The following PDHX variants were observed in gnomAD, a reference collection of about 807,000 sequenced individuals.
PDHX encodes the protein pyruvate dehydrogenase protein X component, mitochondrial.
PDHX carries 33 observed loss-of-function variants against 55.3 expected under a neutral mutation model. The ratio of observed to expected loss-of-function variants is 0.60; its 90% CI spans 0.45 to 0.80. The LOEUF (loss-of-function observed/expected upper bound fraction) is 0.80, where lower values mean the gene tolerates loss of function less well. PDHX is among the 30% of genes least tolerant of loss of function. The pLI is 0.00. For synonymous variants in PDHX, 226 were observed against 219.4 expected (o/e 1.03, Z -0.27); for missense variants, 622 against 619.9 (o/e 1.00, Z -0.04).
chr11:34,986,336 C>T (rs981119064), intron 9 of PDHX, among the ~76,000 whole-genome samples: 2 of 148,658 alleles, frequency 1.3e-5, no homozygotes, highest in Admixed American at 6.7e-5. Flanking sequence ...AGAAAGGTAG[C>T]GTTTATTTGG....
chr11:34,949,579 C>A (rs1022316193), intron 3 of PDHX, among the ~76,000 whole-genome samples: 1 of 151,760 alleles, frequency 6.6e-6, no homozygotes, highest in Non-Finnish European at 1.5e-5. Context: ...AGTTATTATA[C>A]ATTTAAAGAT....
At chr11:34,953,270 G>A (rs1565158351) in intron 3 of PDHX, among the ~76,000 whole-genome samples, 1 of 152,110 alleles carries the variant, frequency 6.6e-6, no homozygotes, top group African/African-American at 2.4e-5. Flanking sequence ...TACTGCCCAA[G>A]GTAATTTATA....
At chr11:34,994,836 A>G (rs1188590873) in intron 10 of PDHX, 78 bp from the exon 11 acceptor site, 2 of 1,535,796 alleles carry the variant, frequency 1.3e-6, no homozygotes, top group Non-Finnish European at 1.8e-6. Flanking sequence ...CTAGTAAAAT[A>G]TATAAAATAT....
At chr11:34,961,802 TC>T (rs11296610) in intron 5 of PDHX, among the ~76,000 whole-genome samples, 7,170 of 152,270 alleles carry the variant, frequency 0.047, 534 homozygotes, top group African/African-American at 0.16. Context: ...GAGTTGGAAA[TC>T]AGCTGTCCTG....
rs1019906079 is a variant in PDHX at position 34,950,965 on chromosome 11, T to C, written c.342+3359T>C. Reference sequence around the variant, plus strand: ...GGAATCGCCACACTGACTTCCACAATGGTTGAACTAGTTTACAGTCCCACC... The same window carrying C: ...GGAATCGCCACACTGACTTCCACAACGGTTGAACTAGTTTACAGTCCCACC... On this transcript the variant is annotated intron_variant, in intron 3 of 10. Transcript: ENST00000227868. Among the ~76,000 whole-genome samples the C allele has an allele frequency of 4.5e-4, 67 of 150,532 alleles. 1 individual carries two copies. The highest frequency in any genetic ancestry group is 1.5e-3 in the African/African-American group (62 of 41,026).
intron 8 of PDHX, among the ~76,000 whole-genome samples, chr11:34,981,103 C>G (rs1263066889): frequency 6.6e-6 from 1 of 151,958 alleles, no homozygotes; most frequent in Non-Finnish European, 1.5e-5. Flanking sequence ...CACCCAGTAA[C>G]AAGTCATTTA....
Position 34,957,369 on chromosome 11 carries a change from C to T in PDHX, c.343-15C>T, listed in dbSNP as rs1854927161. On this transcript the variant is annotated splice_polypyrimidine_tract_variant and intron_variant, in intron 3 of 10. Transcript: ENST00000227868. ...GGGTTTTACTTCTCTACAGTTACTT[C>T]TTTTTTAAATATAGGTTGAAGAAGG... 6.5e-7 allele frequency: 1 copy of T among 1,543,438 alleles called. No individual in the cohort carries two copies. Among genetic ancestry groups the T allele is most frequent in the Non-Finnish European group, 9.0e-7 (1 of 1,115,896 alleles).
intron 1 of PDHX, among the ~76,000 whole-genome samples, chr11:34,924,481 A>G (rs956894245): frequency 4.6e-5 from 7 of 152,154 alleles, no homozygotes; most frequent in Non-Finnish European, 8.8e-5. Context: ...TCAGCCTCCC[A>G]AAGTGCTGGG....
chr11:34,951,174 A>T (rs1854758684), intron 3 of PDHX, among the ~76,000 whole-genome samples: 1 of 147,420 alleles, frequency 6.8e-6, no homozygotes, highest in Non-Finnish European at 1.5e-5. Flanking sequence ...CTCCTGCCTC[A>T]GCCTCCCGAG....
intron 9 of PDHX, among the ~76,000 whole-genome samples, chr11:34,986,322 A>AAAAAAAAAAAG (rs1564932992): frequency 6.8e-6 from 1 of 147,428 alleles, no homozygotes. Flanking sequence ...AAAAAAAAAA[A>AAAAAAAAAAAG]AAAAGAAAGG....
intron 3 of PDHX, among the ~76,000 whole-genome samples, chr11:34,951,049 C>CTTTTTTTTTTTT (rs1179399887): frequency 3.4e-5 from 3 of 88,598 alleles, no homozygotes; most frequent in Admixed American, 1.4e-4. Context: ...TGTTTCCTGA[C>CTTTTTTTTTTTT]TTTTTTTTTT....
At chr11:34,966,594 A>G (rs1391798447) in intron 5 of PDHX, 46 bp from the exon 6 acceptor site, 2 of 1,575,124 alleles carry the variant, frequency 1.3e-6, no homozygotes, top group Non-Finnish European at 1.7e-6. Flanking sequence ...GTTCTGTTAT[A>G]TTCCTTATTG....
chr11:34,960,987 C>T (rs1365829107), intron 5 of PDHX, among the ~76,000 whole-genome samples: 1 of 152,138 alleles, frequency 6.6e-6, no homozygotes, highest in African/African-American at 2.4e-5. Context: ...ATCCATCTGT[C>T]CATGAGTTAG....
chr11:34,959,371 C>A (rs922171073), intron 4 of PDHX, among the ~76,000 whole-genome samples: 1 of 149,810 alleles, frequency 6.7e-6, no homozygotes, highest in African/African-American at 2.4e-5. Flanking sequence ...CAATGAGACA[C>A]CCCTTCATAC....
In PDHX at chr11:34,995,011, C is replaced by CTGAA; in HGVS notation, c.1346_1349dup (p.Lys450AsnfsTer5). 6.2e-7 allele frequency: 1 copy of CTGAA among 1,614,060 alleles called. No homozygotes were observed. Among genetic ancestry groups the CTGAA allele is most frequent in the Non-Finnish European group, 8.5e-7 (1 of 1,179,950 alleles). The stretch of plus-strand genomic sequence containing the variant: ...GGCGGTTGGGAGGTTCCGACCTGTG[C>CTGAA]TGAAGCTCACTGAGGATGAAGAGGG... On this transcript the variant is annotated frameshift_variant, in exon 11 of 11. Transcript: ENST00000227868. LOFTEE classifies it high-confidence loss of function.
chr11:34,944,306 G>A (rs925387323), intron 2 of PDHX, among the ~76,000 whole-genome samples: 17 of 151,810 alleles, frequency 1.1e-4, no homozygotes, highest in African/African-American at 4.1e-4. Context: ...TTTTAGTAGG[G>A]ACGGGGTTTC....
chr11:34,929,069 T>C (rs1854092180), intron 1 of PDHX, among the ~76,000 whole-genome samples: 1 of 152,216 alleles, frequency 6.6e-6, no homozygotes, highest in Admixed American at 6.5e-5. Flanking sequence ...GGACTGGAGT[T>C]GGATGGCTTT....
chr11:34,959,780 C>T (rs933566130), intron 4 of PDHX, among the ~76,000 whole-genome samples: 6 of 151,958 alleles, frequency 3.9e-5, no homozygotes, highest in African/African-American at 1.5e-4. Context: ...GAATATTATG[C>T]TCAGTAAAAT....
intron 2 of PDHX, among the ~76,000 whole-genome samples, chr11:34,931,823 TG>T (rs1854181820): frequency 9.8e-6 from 1 of 101,622 alleles, no homozygotes; most frequent in African/African-American, 6.6e-5. Flanking sequence ...TGTGTGTGTG[TG>T]TGTGTGTGTG....
Sources: allele counts gnomAD v4.1 joint callset (sites outside exome capture counted in the v4.1 genomes callset), GRCh38; gene constraint gnomAD v4.1.1; transcripts MANE v1.5; gene names NCBI Gene and HGNC (gene_info 2026-07-23, HGNC 2026-07-21).